Variants in RAPGEF4 observed in about 807,000 individuals in gnomAD.
RAPGEF4 encodes the protein RAP guanine-nucleotide-exchange factor (GEF) 4.
In RAPGEF4, 66 loss-of-function variants were observed where a neutral mutation model predicts 147.9. The observed-to-expected ratio is 0.45, with a 90% CI of 0.37 to 0.55. The LOEUF is 0.55. RAPGEF4 is among the 20% of genes least tolerant of loss of function. The probability of loss-of-function intolerance (pLI) is 0.00; values close to 1 mark genes in which losing one functional copy is unlikely to be tolerated. For missense variants in RAPGEF4, 1,071 were observed against 1,257.3 expected, an observed-to-expected ratio of 0.85 and a Z score of 2.24; for synonymous variants, 419 against 442.7, an observed-to-expected ratio of 0.95 and a Z score of 0.67.
intron 4 of RAPGEF4, among the ~76,000 whole-genome samples, chr2:172,836,089 A>G (rs1690894717): frequency 1.3e-5 from 2 of 152,080 alleles, no homozygotes; most frequent in African/African-American, 4.8e-5. Context: ...TATACCTTCC[A>G]CTCCATAAAA....
At chr2:173,012,927 A>G (rs530899708) in intron 17 of RAPGEF4, among the ~76,000 whole-genome samples, 1 of 152,370 alleles carries the variant, frequency 6.6e-6, no homozygotes, top group African/African-American at 2.4e-5. Context: ...TTATAAATGC[A>G]TGCAAGCAAG....
chr2:172,910,973 G>A (rs1222701934), intron 4 of RAPGEF4, among the ~76,000 whole-genome samples: 4 of 152,188 alleles, frequency 2.6e-5, no homozygotes, highest in East Asian at 1.9e-4. Context: ...TCAGGAAAGC[G>A]TATGGGGTGA....
At chr2:172,813,047 T>C (rs1688173672) in intron 3 of RAPGEF4, among the ~76,000 whole-genome samples, 1 of 152,240 alleles carries the variant, frequency 6.6e-6, no homozygotes, top group African/African-American at 2.4e-5. Flanking sequence ...TTTTCTGAGA[T>C]ATTGATTTTA....
intron 4 of RAPGEF4, among the ~76,000 whole-genome samples, chr2:172,888,401 G>C (rs984867150): frequency 6.6e-6 from 1 of 152,218 alleles, no homozygotes; most frequent in Non-Finnish European, 1.5e-5. Context: ...AGGCTTTTCA[G>C]TGGGGATGAA....
chr2:172,877,453 T>C lies in RAPGEF4; in HGVS notation c.445-40349T>C, dbSNP rs529071044. Among the ~76,000 whole-genome samples, 25 of 150,664 alleles carry C rather than the reference T, an allele frequency of 1.7e-4. 1 individual carries two copies. The South Asian group carries it at 4.6e-3, about 28-fold the overall frequency. ...GATGGGTGCAGCAAACCACCATGCA[T>C]ACAAACCACCATGGCACGTGTATAC... On this transcript the variant is annotated intron_variant, in intron 4 of 30. Coordinates refer to ENST00000397081, the MANE Select transcript of RAPGEF4 (RefSeq NM_007023.4).
In RAPGEF4 at chr2:172,802,079, G is replaced by A. The variant is rs115911507; in HGVS notation, c.297+4466G>A. On this transcript the variant is annotated intron_variant, in intron 3 of 30. Transcript: ENST00000397081. The stretch of plus-strand genomic sequence containing the variant: ...TGGAGACAAAATGGTTAGAACTGAC[G>A]GTGATGGGATGTGGAGGTGTAGAGA... Among the ~76,000 whole-genome samples the A allele has an allele frequency of 1.2e-3, 184 of 152,296 alleles. 2 individuals are homozygous for A. The highest frequency in any genetic ancestry group is 3.9e-3 in the African/African-American group (161 of 41,558).
chr2:173,036,177 C>T lies in RAPGEF4; in HGVS notation c.2753C>T (p.Pro918Leu). 6.2e-7 allele frequency: 1 copy of T among 1,612,944 alleles called. No homozygotes were observed. Among genetic ancestry groups the T allele is most frequent in the South Asian group, 1.1e-5 (1 of 91,034 alleles). Residue 918 changes from proline to leucine, a missense_variant, in exon 28 of 31, where the codon CCT becomes CTT. Coordinates refer to ENST00000397081, the MANE Select transcript of RAPGEF4 (RefSeq NM_007023.4). ...AGGCTGACAGTAGCTAAGCTGGAAC[C>T]TCCTCTCATCCCCTTCATGCCTTTG... is the stretch of plus-strand genomic sequence containing the variant. ...AYRLTVAKLE[P>L]PLIPFMPLLI...
intron 4 of RAPGEF4, among the ~76,000 whole-genome samples, chr2:172,884,446 A>C (rs921547957): frequency 6.6e-6 from 1 of 152,238 alleles, no homozygotes; most frequent in Non-Finnish European, 1.5e-5. Flanking sequence ...TGAATTTGCC[A>C]GAAGATTCAG....
intron 3 of RAPGEF4, among the ~76,000 whole-genome samples, chr2:172,810,313 GT>G (rs957667430): frequency 3.2e-4 from 48 of 152,344 alleles, no homozygotes; most frequent in African/African-American, 1.0e-3. Flanking sequence ...TTAAGCATTT[GT>G]TTTGAGTCAG....
chr2:172,740,399 T>C (rs72893054), intron 1 of RAPGEF4, among the ~76,000 whole-genome samples: 3,510 of 152,324 alleles, frequency 0.023, 60 homozygotes, highest in South Asian at 0.059. Context: ...TTCAAAAGGT[T>C]GTGATCTTTC....
intron 4 of RAPGEF4, among the ~76,000 whole-genome samples, chr2:172,906,156 A>G (rs1232891410): frequency 6.6e-6 from 1 of 152,176 alleles, no homozygotes; most frequent in Non-Finnish European, 1.5e-5. Flanking sequence ...TCTAAACATT[A>G]TGTCACTCTT....
intron 6 of RAPGEF4, among the ~76,000 whole-genome samples, chr2:172,935,003 C>T (rs1686402550): frequency 2.0e-5 from 3 of 152,206 alleles, no homozygotes; most frequent in South Asian, 2.1e-4. Flanking sequence ...GTGGTGAGGC[C>T]CTGTCACTAC....
chr2:173,002,820 G>T (rs1694064512), intron 17 of RAPGEF4, among the ~76,000 whole-genome samples: 1 of 152,014 alleles, frequency 6.6e-6, no homozygotes, highest in African/African-American at 2.4e-5. Flanking sequence ...TATTTGCCTG[G>T]AAACTGTTTT....
chr2:173,014,415 T>G (rs780439476), intron 17 of RAPGEF4, 49 bp from the exon 18 acceptor site: 8 of 1,609,554 alleles, frequency 5.0e-6, no homozygotes, highest in Non-Finnish European at 6.8e-6. Context: ...GAAAGTAGCA[T>G]GTGAAATGAG....
intron 4 of RAPGEF4, among the ~76,000 whole-genome samples, chr2:172,869,648 A>G (rs975230865): frequency 3.9e-5 from 6 of 152,200 alleles, no homozygotes; most frequent in African/African-American, 1.2e-4. Context: ...ATGCACAACC[A>G]TACAATATTG....
intron 29 of RAPGEF4, among the ~76,000 whole-genome samples, chr2:173,043,004 CT>C (rs1322817050): frequency 6.6e-6 from 1 of 152,142 alleles, no homozygotes; most frequent in Non-Finnish European, 1.5e-5. Context: ...GCTAGTTCAG[CT>C]TCAATTCCCT....
In RAPGEF4 at chr2:172,797,541, T is replaced by A. The variant is rs552467612; in HGVS notation, c.225T>A (p.Asp75Glu). 1 of 1,613,468 alleles carries A rather than the reference T, an allele frequency of 6.2e-7. No individual in the cohort carries two copies. Among genetic ancestry groups the A allele is most frequent in the African/African-American group, 1.3e-5 (1 of 75,036 alleles). The part of the protein sequence containing the change: ...EKGITLFRQG[D>E]IGTNWYAVLA... ...TTTTCCCAGTATTTCGCCAGGGTGATATTGGAACAAACTGGTATGCTGTCC... is the reference window on the plus strand; with the variant it reads ...TTTTCCCAGTATTTCGCCAGGGTGAAATTGGAACAAACTGGTATGCTGTCC... The change falls in exon 3 of 31, where the codon GAT becomes GAA. Residue 75 changes from aspartate to glutamate, a missense_variant. By Grantham distance (45) the Asp-to-Glu change is conservative (BLOSUM62 2). Transcript: ENST00000397081.
intron 17 of RAPGEF4, among the ~76,000 whole-genome samples, chr2:173,006,757 G>A (rs1263811737): frequency 2.0e-5 from 3 of 152,128 alleles, no homozygotes; most frequent in Non-Finnish European, 2.9e-5. Context: ...ATAGCAGCAG[G>A]TTCATATTCT....
At chr2:172,955,667 G>A (rs529586613) in intron 6 of RAPGEF4, among the ~76,000 whole-genome samples, 4 of 152,278 alleles carry the variant, frequency 2.6e-5, no homozygotes, top group African/African-American at 9.6e-5. Context: ...TTTGTGATAC[G>A]TGTTTTCTGG....
Sources: gnomAD v4.1 joint callset for allele counts (sites outside exome capture counted in the v4.1 genomes callset) on GRCh38, gnomAD v4.1.1 for gene constraint, MANE v1.5 for transcripts, NCBI Gene and HGNC (gene_info 2026-07-23, HGNC 2026-07-21) for gene names.